FOXO1: variants seen among roughly 807,000 people sequenced by gnomAD.
FOXO1 encodes forkhead box protein O1.
FOXO1 carries 6 observed loss-of-function variants against 44.1 expected under a neutral mutation model. That is an observed-to-expected ratio of 0.14 (90% CI 0.07 to 0.27). FOXO1 has a LOEUF of 0.27. FOXO1 is among the 10% of genes least tolerant of loss of function. The pLI is 1.00. For synonymous variants in FOXO1, 380 were observed against 362.7 expected (o/e 1.05, Z -0.54); for missense variants, 737 against 888.8 (o/e 0.83, Z 2.17).
chr13:40,660,927 G>C (rs1314483523), intron 1 of FOXO1, among the ~76,000 whole-genome samples: 1 of 150,836 alleles, frequency 6.6e-6, no homozygotes. Flanking sequence ...CTGGGCAACA[G>C]AGTGAGACCC....
At chr13:40,588,472 C>T (rs1875253947) in intron 1 of FOXO1, among the ~76,000 whole-genome samples, 1 of 152,138 alleles carries the variant, frequency 6.6e-6, no homozygotes, top group Admixed American at 6.5e-5. Context: ...CAGAAGCAAA[C>T]AAATGTTCAC....
chr13:40,634,740 C>T (rs113928228), intron 1 of FOXO1, among the ~76,000 whole-genome samples: 1 of 151,922 alleles, frequency 6.6e-6, no homozygotes, highest in African/African-American at 2.4e-5. Context: ...AGCGCAGTGG[C>T]GCAATCTCAG....
At chr13:40,663,664 T>G (rs931175447) in intron 1 of FOXO1, among the ~76,000 whole-genome samples, 71 of 152,228 alleles carry the variant, frequency 4.7e-4, no homozygotes, top group African/African-American at 1.7e-3. Context: ...CTTAATAGAA[T>G]ATATGCTGAA....
intron 1 of FOXO1, among the ~76,000 whole-genome samples, chr13:40,637,232 C>A (rs1199183659): frequency 6.6e-6 from 1 of 152,026 alleles, no homozygotes; most frequent in Non-Finnish European, 1.5e-5. Context: ...ATCAGGAGGT[C>A]AGGAGATTGA....
chr13:40,617,232 GGTCAGGA>G, intron 1 of FOXO1, among the ~76,000 whole-genome samples: 1 of 152,276 alleles, frequency 6.6e-6, no homozygotes, highest in African/African-American at 2.4e-5. Context: ...GATCACCTGA[GGTCAGGA>G]GTTCGAGACC....
intron 1 of FOXO1, among the ~76,000 whole-genome samples, chr13:40,599,652 G>T (rs1474424722): frequency 6.6e-6 from 1 of 152,170 alleles, no homozygotes; most frequent in African/African-American, 2.4e-5. Flanking sequence ...TACGGAAAAG[G>T]GATGCCCTGC....
At chr13:40,577,518 TCCACTTTAGAAGAACATAAAA>T (rs1162093795) in intron 1 of FOXO1, among the ~76,000 whole-genome samples, 1 of 152,138 alleles carries the variant, frequency 6.6e-6, no homozygotes, top group Non-Finnish European at 1.5e-5. Flanking sequence ...TAATACTCTG[TCCACTTTAGAAGAACATAAAA>T]CCACTTTATG....
chr13:40,642,865 GC>G (rs1161577297), intron 1 of FOXO1, among the ~76,000 whole-genome samples: 1 of 152,130 alleles, frequency 6.6e-6, no homozygotes, highest in African/African-American at 2.4e-5. Flanking sequence ...CCGAGACTGT[GC>G]CACTACACTT....
At chr13:40,629,268 G>A (rs1007204254) in intron 1 of FOXO1, among the ~76,000 whole-genome samples, 20 of 152,012 alleles carry the variant, frequency 1.3e-4, no homozygotes, top group East Asian at 7.7e-4. Flanking sequence ...TCAGCCTCCC[G>A]AGTAGCTGGG....
chr13:40,593,024 T>C (rs1357042136), intron 1 of FOXO1, among the ~76,000 whole-genome samples: 1 of 152,120 alleles, frequency 6.6e-6, no homozygotes, highest in African/African-American at 2.4e-5. Context: ...GGGGGCTTTT[T>C]TGTTTTGTTT....
At chr13:40,650,439 T>G (rs897091286) in intron 1 of FOXO1, among the ~76,000 whole-genome samples, 3 of 152,042 alleles carry the variant, frequency 2.0e-5, no homozygotes, top group Admixed American at 6.6e-5. Context: ...CAAAATGGAG[T>G]TGCTCTGGTT....
At chr13:40,590,063 G>A (rs1443811373) in intron 1 of FOXO1, among the ~76,000 whole-genome samples, 1 of 152,176 alleles carries the variant, frequency 6.6e-6, no homozygotes, top group Non-Finnish European at 1.5e-5. Context: ...CCCTGCTGCT[G>A]TGGCCCCTAC....
chr13:40,628,356 T>TACACACAC (rs34314244), intron 1 of FOXO1, among the ~76,000 whole-genome samples: 3,253 of 145,260 alleles, frequency 0.022, 53 homozygotes, highest in East Asian at 0.051. Context: ...AAGAGCTGTT[T>TACACACAC]ACACACACAC....
chr13:40,589,364 CAT>C (rs1875287524), intron 1 of FOXO1, among the ~76,000 whole-genome samples: 2 of 152,314 alleles, frequency 1.3e-5, no homozygotes. Context: ...AAAACTCTCA[CAT>C]GAGTACAGTC....
At chr13:40,621,367 TC>T in intron 1 of FOXO1, 1 of 407,828 alleles carries the variant, frequency 2.5e-6, no homozygotes, top group Non-Finnish European at 4.1e-6. Flanking sequence ...TGGGATCTAC[TC>T]AAATATTGTA....
chr13:40,599,119 A>C (rs34718144), intron 1 of FOXO1, among the ~76,000 whole-genome samples: 1 of 138,950 alleles, frequency 7.2e-6, no homozygotes, highest in African/African-American at 2.8e-5. Flanking sequence ...AAAAATTTAC[A>C]CTATAAACAA....
intron 1 of FOXO1, among the ~76,000 whole-genome samples, chr13:40,627,402 C>A (rs1380200695): frequency 6.6e-6 from 1 of 152,158 alleles, no homozygotes; most frequent in Admixed American, 6.5e-5. Flanking sequence ...GCAAAGGTAA[C>A]TCAAGAAAGG....
chr13:40,584,661 T>G (rs1875089013), intron 1 of FOXO1, among the ~76,000 whole-genome samples: 1 of 151,932 alleles, frequency 6.6e-6, no homozygotes, highest in Non-Finnish European at 1.5e-5. Context: ...ACAAACATTA[T>G]ATATATATTT....
intron 1 of FOXO1, among the ~76,000 whole-genome samples, chr13:40,656,678 T>TA (rs1183860759): frequency 6.6e-6 from 1 of 152,010 alleles, no homozygotes; most frequent in Non-Finnish European, 1.5e-5. Context: ...TAAAATTGTT[T>TA]AATGTAATCA....
Sources: allele counts gnomAD v4.1 joint callset (sites outside exome capture counted in the v4.1 genomes callset), GRCh38; gene constraint gnomAD v4.1.1; transcripts MANE v1.5; gene names NCBI Gene and HGNC (gene_info 2026-07-23, HGNC 2026-07-21).